The following GTF3C5 variants were observed in gnomAD, a reference collection of about 807,000 sequenced individuals.
GTF3C5 encodes the protein general transcription factor IIIC subunit 5, also known as general transcription factor 3C polypeptide 5.
In GTF3C5, 47 loss-of-function variants were observed where a neutral mutation model predicts 61.0. The observed-to-expected ratio is 0.77, with a 90% CI of 0.61 to 0.98. The LOEUF (loss-of-function observed/expected upper bound fraction) is 0.98, where lower values mean the gene tolerates loss of function less well. Among genes scored for constraint, GTF3C5 ranks in the 50% least tolerant of loss-of-function variants. GTF3C5 has a pLI of 0.00. For missense variants in GTF3C5, 659 were observed against 703.3 expected, an observed-to-expected ratio of 0.94 and a Z score of 0.71; for synonymous variants, 295 against 275.4, an observed-to-expected ratio of 1.07 and a Z score of -0.71.
intron 1 of GTF3C5, among the ~76,000 whole-genome samples, chr9:133,037,161 C>T (rs1849886094): frequency 6.6e-6 from 1 of 152,118 alleles, no homozygotes; most frequent in African/African-American, 2.4e-5. Context: ...TTTCCATTCG[C>T]AAGCAAAAAT....
At chr9:133,041,342 C>T (rs1376041258) in intron 1 of GTF3C5, among the ~76,000 whole-genome samples, 1 of 152,224 alleles carries the variant, frequency 6.6e-6, no homozygotes, top group Non-Finnish European at 1.5e-5. Context: ...TGGTCACGCT[C>T]CTAGTCCACC....
Position 133,054,752 on chromosome 9 carries a change from G to A in GTF3C5, c.1110G>A (p.Leu370=). 6.3e-7 allele frequency: 1 copy of A among 1,584,536 alleles called. No individual in the cohort carries two copies. Among genetic ancestry groups the A allele is most frequent in the Non-Finnish European group, 8.6e-7 (1 of 1,165,736 alleles). ...CCATGCATGACCTGAAGCAGGGCCT[G>A]GGCCCGTCGGGGACGAGTGGTGCTC... ...LVTMHDLKQG[L]GPSGTSGARK... The change falls in exon 8 of 11, where the codon CTG becomes CTA. Residue 370 remains leucine (L), a synonymous_variant. Transcript: ENST00000372097.
At chr9:133,051,895 TAGTG>T (rs1451149718) in intron 4 of GTF3C5, 161 bp from the exon 5 acceptor site, 4 of 472,924 alleles carry the variant, frequency 8.5e-6, no homozygotes, top group African/African-American at 6.1e-5. Flanking sequence ...AGGGATGAAT[TAGTG>T]AGAGCAGGAG....
At chr9:133,042,426 T>G in intron 2 of GTF3C5, 120 bp downstream of exon 2, 1 of 713,164 alleles carries the variant, frequency 1.4e-6, no homozygotes, top group Admixed American at 2.2e-5. Context: ...CCAGGGGCTG[T>G]GGGGACACAG....
chr9:133,056,690 G>C, intron 9 of GTF3C5, 76 bp from the exon 10 acceptor site: 1 of 1,416,828 alleles, frequency 7.1e-7, no homozygotes, highest in Non-Finnish European at 9.5e-7. Context: ...TCTGCCTCTG[G>C]CAAAAACCAA....
In GTF3C5 at chr9:133,056,861, A is replaced by G. The variant is rs1172130352; in HGVS notation, c.1346A>G (p.Asp449Gly). 5.0e-6 allele frequency: 8 copies of G among 1,610,744 alleles called. No homozygotes were observed. The Admixed American group carries it at 1.0e-4, about 20-fold the overall frequency. The change falls in exon 10 of 11, where the codon GAC becomes GGC. Residue 449 changes from aspartate (D) to glycine (G), a missense_variant. By Grantham distance (94) the Asp-to-Gly change is moderately conservative (BLOSUM62 -1). Transcript: ENST00000372097. ...CLPKTSDELR[D>G]TMSLMIRQTI... ...CCCAAGACCAGCGACGAGCTCAGGG[A>G]CACCATGTCCCTCATGATCCGGCAG...
intron 1 of GTF3C5, 64 bp downstream of exon 1, chr9:133,031,228 A>G (rs1000775861): frequency 4.9e-6 from 7 of 1,420,818 alleles, no homozygotes; most frequent in Admixed American, 2.2e-5. Context: ...ACGAGCACTC[A>G]AAGGATTTCT....
At chr9:133,056,125 G>A in intron 9 of GTF3C5, 31 bp downstream of exon 9, 1 of 1,589,192 alleles carries the variant, frequency 6.3e-7, no homozygotes, top group South Asian at 1.1e-5. Context: ...GAGACACTGA[G>A]GGGGGCCCGT....
At chr9:133,056,154 C>T (rs992666378) in intron 9 of GTF3C5, 60 bp downstream of exon 9, 21 of 1,426,910 alleles carry the variant, frequency 1.5e-5, no homozygotes, top group Non-Finnish European at 1.8e-5. Context: ...GGGACCAAAG[C>T]GGTCTCTGAA....
At chr9:133,034,673 G>A (rs1849816555) in intron 1 of GTF3C5, among the ~76,000 whole-genome samples, 1 of 152,104 alleles carries the variant, frequency 6.6e-6, no homozygotes, top group African/African-American at 2.4e-5. Flanking sequence ...TCCCAAGCTG[G>A]TTCAAGTTTT....
chr9:133,056,790 T>A lies in GTF3C5; in HGVS notation c.1275T>A (p.Asn425Lys). The A allele has an allele frequency of 6.2e-7, 1 of 1,608,608 alleles. No individual in the cohort carries two copies. The highest frequency in any genetic ancestry group is 8.5e-7 in the Non-Finnish European group (1 of 1,177,342). ...VEELQKIIHR[N>K]DGAENSCTER... ...GGTTGCAGAAGATCATTCACCGCAA[T>A]GACGGGGCAGAGAATTCCTGCACAG... The change falls in exon 10 of 11, where the codon AAT becomes AAA. Residue 425 changes from asparagine to lysine, a missense_variant. Coordinates refer to ENST00000372097, the MANE Select transcript of GTF3C5 (RefSeq NM_012087.4).
chr9:133,057,023 C>T (rs1829958404), intron 10 of GTF3C5, 115 bp downstream of exon 10: 1 of 1,028,802 alleles, frequency 9.7e-7, no homozygotes, highest in East Asian at 2.8e-5. Flanking sequence ...CATCATCTTG[C>T]CCCTGGCCCT....
At chr9:133,055,665 G>T in intron 8 of GTF3C5, 1 of 985,428 alleles carries the variant, frequency 1.0e-6, no homozygotes, top group Non-Finnish European at 1.2e-6. Context: ...AGCAGTGGGT[G>T]AGGGATAAGG....
At chr9:133,041,700 G>T (rs982855305) in intron 1 of GTF3C5, among the ~76,000 whole-genome samples, 2 of 152,082 alleles carry the variant, frequency 1.3e-5, no homozygotes, top group Non-Finnish European at 2.9e-5. Flanking sequence ...TCTTTGTCTT[G>T]TGTCTTTATT....
Position 133,052,155 on chromosome 9 carries a change from C to T in GTF3C5, c.864C>T (p.Ala288=), listed in dbSNP as rs148026259. ...DKLKVLLPFI[A]YYMITGPWRS... ...TCAAGGTCTTGCTTCCCTTCATAGC[C>T]TATTACATGGTAAGTGTCAGCTGCC... The change falls in exon 5 of 11, where the codon GCC becomes GCT. Residue 288 remains alanine (A), a synonymous_variant. Transcript: ENST00000372097. 2.5e-6 allele frequency: 4 copies of T among 1,571,682 alleles called. No homozygotes were observed. The highest frequency in any genetic ancestry group is 3.5e-6 in the Non-Finnish European group (4 of 1,145,260).
intron 4 of GTF3C5, among the ~76,000 whole-genome samples, chr9:133,051,520 T>C (rs1333521483): frequency 6.6e-6 from 1 of 152,244 alleles, no homozygotes; most frequent in Admixed American, 6.5e-5. Context: ...CAGCAGTCAC[T>C]GGGGCACACT....
At chr9:133,037,497 G>A (rs1262992334) in intron 1 of GTF3C5, among the ~76,000 whole-genome samples, 3 of 152,004 alleles carry the variant, frequency 2.0e-5, no homozygotes, top group African/African-American at 2.4e-5. Context: ...ATTTCCCCCC[G>A]GGGTTTTTAA....
upstream of GTF3C5, chr9:133,030,842 CCATGGGCCATTT>C: frequency 1.3e-6 from 1 of 763,560 alleles, no homozygotes; most frequent in Non-Finnish European, 2.3e-6. Context: ...ATGGGCCCTC[CCATGGGCCATTT>C]GCTCCCTGGA....
At position 133,041,034 on chromosome 9, in the gene GTF3C5, A is replaced by G. The variant is rs1226330177; in HGVS notation, c.154-1053A>G. On this transcript the variant is annotated intron_variant, in intron 1 of 10. Coordinates refer to ENST00000372097, the MANE Select transcript of GTF3C5 (RefSeq NM_012087.4). The stretch of plus-strand genomic sequence containing the variant: ...TGAGGGGACATGGTGAGAAGTGACC[A>G]GAAGACAAGAGTGCGAGCCTTCTGT... Among the ~76,000 whole-genome samples the G allele has an allele frequency of 2.0e-5, 3 of 152,272 alleles. No homozygotes were observed. In the East Asian group the frequency reaches 5.8e-4, roughly 29 times the overall value.
Sources: gnomAD v4.1 joint callset for allele counts (sites outside exome capture counted in the v4.1 genomes callset) on GRCh38, gnomAD v4.1.1 for gene constraint, MANE v1.5 for transcripts, NCBI Gene and HGNC (gene_info 2026-07-23, HGNC 2026-07-21) for gene names.